The following LRRTM4 variants were observed in gnomAD, a reference collection of about 807,000 sequenced individuals.
LRRTM4 encodes the protein leucine-rich repeat transmembrane neuronal protein 4.
Under a neutral mutation model 47.6 loss-of-function variants are expected in LRRTM4, and 25 were observed. That is an observed-to-expected ratio of 0.53 (90% CI 0.38 to 0.73). The LOEUF is 0.73. LRRTM4 is among the 30% of genes least tolerant of loss of function. LRRTM4 has a pLI of 0.00. For missense variants in LRRTM4, 638 were observed against 713.4 expected, an observed-to-expected ratio of 0.89 and a Z score of 1.20; for synonymous variants, 311 against 269.5, an observed-to-expected ratio of 1.15 and a Z score of -1.51.
At chr2:76,845,528 G>A (rs555212790) in intron 3 of LRRTM4, among the ~76,000 whole-genome samples, 1 of 152,078 alleles carries the variant, frequency 6.6e-6, no homozygotes, top group African/African-American at 2.4e-5. Context: ...CTCCAGGGAG[G>A]GAGGCAGGCC....
chr2:77,218,165 T>G (rs1674511982), intron 3 of LRRTM4, among the ~76,000 whole-genome samples: 1 of 152,130 alleles, frequency 6.6e-6, no homozygotes, highest in South Asian at 2.1e-4. Flanking sequence ...TGACTAATTT[T>G]GTATTTTTAG....
chr2:77,103,636 T>C (rs901906765), intron 3 of LRRTM4, among the ~76,000 whole-genome samples: 10 of 145,052 alleles, frequency 6.9e-5, no homozygotes, highest in Non-Finnish European at 1.3e-4. Context: ...GAGAGTGTTA[T>C]ATACATGAGT....
intron 3 of LRRTM4, among the ~76,000 whole-genome samples, chr2:76,801,619 C>G (rs1675688680): frequency 6.6e-6 from 1 of 151,700 alleles, no homozygotes. Flanking sequence ...ACATATGTGA[C>G]TAACCTGCAC....
Position 76,810,969 on chromosome 2 carries a change from A to T in LRRTM4, c.1552-62053T>A, listed in dbSNP as rs568777744. On this transcript the variant is annotated intron_variant, in intron 3 of 3. Transcript: ENST00000409884. Reference sequence around the variant, plus strand: ...CCTGGTGATATTGTAACCACTGGTTAAAAAAAAAGTTAATAACTAGATTCA... The same window carrying T: ...CCTGGTGATATTGTAACCACTGGTTTAAAAAAAAGTTAATAACTAGATTCA... Among the ~76,000 whole-genome samples, 32 of 151,142 alleles carry T rather than the reference A, an allele frequency of 2.1e-4. 1 individual carries two copies. The highest frequency in any genetic ancestry group is 6.0e-4 in the Admixed American group (9 of 15,006).
In LRRTM4 at chr2:77,514,867, C is replaced by T. The variant is rs182038446; in HGVS notation, c.1551+3451G>A. Among the ~76,000 whole-genome samples, 414 of 151,828 alleles carry T rather than the reference C, an allele frequency of 2.7e-3. 3 individuals are homozygous for T. Among genetic ancestry groups the T allele is most frequent in the African/African-American group, 9.6e-3 (396 of 41,456 alleles). On this transcript the variant is annotated intron_variant, in intron 3 of 3. Coordinates refer to ENST00000409884, the MANE Select transcript of LRRTM4 (RefSeq NM_001134745.3). ...TTCAAAACTTTGTTCTTTACAATTT[C>T]GAAGGAAAAAATTGATATACAGAAT...
intron 3 of LRRTM4, among the ~76,000 whole-genome samples, chr2:76,774,134 T>C (rs1160456303): frequency 6.6e-6 from 1 of 152,080 alleles, no homozygotes; most frequent in East Asian, 1.9e-4. Context: ...TTATATGCAT[T>C]ATATGCTGTA....
chr2:77,444,780 C>T (rs1675984194), intron 3 of LRRTM4, among the ~76,000 whole-genome samples: 1 of 151,676 alleles, frequency 6.6e-6, no homozygotes, highest in African/African-American at 2.4e-5. Context: ...TCCATACTTC[C>T]ACTTGCTGGA....
Position 76,831,337 on chromosome 2 carries a change from G to A in LRRTM4, c.1552-82421C>T, listed in dbSNP as rs116766309. The stretch of plus-strand genomic sequence containing the variant: ...TCTGTAGCTTCATTGGTGTGTGTGC[G>A]TGTGCACACGCTCGCATTTGTGTTT... On this transcript the variant is annotated intron_variant, in intron 3 of 3. Coordinates refer to ENST00000409884, the MANE Select transcript of LRRTM4 (RefSeq NM_001134745.3). Among the ~76,000 whole-genome samples, 457 of 152,222 alleles carry A rather than the reference G, an allele frequency of 3.0e-3. 1 individual carries two copies. Among genetic ancestry groups the A allele is most frequent in the Non-Finnish European group, 4.8e-3 (326 of 68,002 alleles).
At chr2:77,506,057 T>C (rs1678756207) in intron 3 of LRRTM4, among the ~76,000 whole-genome samples, 1 of 151,702 alleles carries the variant, frequency 6.6e-6, no homozygotes. Flanking sequence ...CAAGAATACT[T>C]ATTTATAAAA....
intron 3 of LRRTM4, among the ~76,000 whole-genome samples, chr2:77,050,284 T>C (rs952770237): frequency 2.0e-4 from 31 of 152,082 alleles, no homozygotes; most frequent in Non-Finnish European, 2.9e-5. Flanking sequence ...GAGCTGGAGG[T>C]AATAGGCTGC....
intron 3 of LRRTM4, among the ~76,000 whole-genome samples, chr2:77,382,940 T>C (rs561091502): frequency 6.6e-6 from 1 of 152,202 alleles, no homozygotes; most frequent in South Asian, 2.1e-4. Context: ...AGCACTGAAA[T>C]AATCTAGTCT....
chr2:76,814,713 C>T (rs1368615691), intron 3 of LRRTM4, among the ~76,000 whole-genome samples: 1 of 151,502 alleles, frequency 6.6e-6, no homozygotes, highest in African/African-American at 2.4e-5. Context: ...TTTTGGTATC[C>T]TCAGGAGTCT....
At chr2:77,081,271 C>CACAT (rs1680522762) in intron 3 of LRRTM4, among the ~76,000 whole-genome samples, 1 of 149,564 alleles carries the variant, frequency 6.7e-6, no homozygotes, top group African/African-American at 2.5e-5. Flanking sequence ...CACACACACA[C>CACAT]ACACACACAC....
At chr2:77,442,560 G>A (rs188991965) in intron 3 of LRRTM4, among the ~76,000 whole-genome samples, 1 of 152,304 alleles carries the variant, frequency 6.6e-6, no homozygotes, top group East Asian at 1.9e-4. Flanking sequence ...TGCATGTGTA[G>A]CAAGCTCTTC....
intron 3 of LRRTM4, among the ~76,000 whole-genome samples, chr2:76,922,584 A>G (rs1474225368): frequency 6.6e-6 from 1 of 152,102 alleles, no homozygotes; most frequent in Non-Finnish European, 1.5e-5. Context: ...TTGAATTCAT[A>G]GAAGCAGAAA....
At chr2:77,146,137 T>A (rs1307248753) in intron 3 of LRRTM4, among the ~76,000 whole-genome samples, 3 of 152,184 alleles carry the variant, frequency 2.0e-5, no homozygotes, top group African/African-American at 7.2e-5. Context: ...AACCCAACTT[T>A]TAGAATTAAT....
chr2:77,312,409 T>C (rs1021939932), intron 3 of LRRTM4, among the ~76,000 whole-genome samples: 4 of 152,212 alleles, frequency 2.6e-5, no homozygotes, highest in African/African-American at 9.7e-5. Flanking sequence ...TTTATTTTGC[T>C]GACATGACCA....
At chr2:76,880,254 AG>A (rs1672892252) in intron 3 of LRRTM4, among the ~76,000 whole-genome samples, 1 of 152,178 alleles carries the variant, frequency 6.6e-6, no homozygotes, top group Non-Finnish European at 1.5e-5. Context: ...TCAAACACCA[AG>A]GGAAACTTTA....
intron 3 of LRRTM4, among the ~76,000 whole-genome samples, chr2:76,775,227 A>G (rs1351430806): frequency 1.3e-5 from 2 of 152,202 alleles, no homozygotes; most frequent in African/African-American, 4.8e-5. Context: ...TGTAAGTAGC[A>G]TGACATTTTC....
Sources: allele counts gnomAD v4.1 joint callset (sites outside exome capture counted in the v4.1 genomes callset), GRCh38; gene constraint gnomAD v4.1.1; transcripts MANE v1.5; gene names NCBI Gene and HGNC (gene_info 2026-07-23, HGNC 2026-07-21).